The following CALN1 variants were observed in gnomAD, a reference collection of about 807,000 sequenced individuals.
The protein encoded by CALN1 is calcium-binding protein 8.
CALN1 carries 17 observed loss-of-function variants against 30.6 expected under a neutral mutation model. The observed-to-expected ratio is 0.56, with a 90% CI of 0.38 to 0.83. The LOEUF (loss-of-function observed/expected upper bound fraction) is 0.83. Among genes scored for constraint, CALN1 ranks in the 40% least tolerant of loss-of-function variants. The probability of loss-of-function intolerance (pLI) is 0.00; values close to 1 mark genes in which losing one functional copy is unlikely to be tolerated. For missense variants in CALN1, 291 were observed against 354.9 expected, an observed-to-expected ratio of 0.82 and a Z score of 1.45; for synonymous variants, 156 against 131.4, an observed-to-expected ratio of 1.19 and a Z score of -1.28.
At chr7:72,444,257 G>A (rs1808452919) in intron 1 of CALN1, among the ~76,000 whole-genome samples, 1 of 151,982 alleles carries the variant, frequency 6.6e-6, no homozygotes, top group African/African-American at 2.4e-5. Context: ...CTAGCAATCA[G>A]AACAGCTCCC....
the CALN1 span, among the ~76,000 whole-genome samples, chr7:72,463,734 T>A: frequency 6.6e-6 from 1 of 151,346 alleles, no homozygotes; most frequent in Non-Finnish European, 1.5e-5. Context: ...AAATTTTTAA[T>A]TTTTTTTGTA....
intron 3 of CALN1, among the ~76,000 whole-genome samples, chr7:72,165,087 A>G (rs899226974): frequency 6.6e-6 from 1 of 152,182 alleles, no homozygotes; most frequent in African/African-American, 2.4e-5. Flanking sequence ...CTGTTTCTAA[A>G]TTGTAAATTT....
chr7:72,228,238 G>C (rs1252250897), intron 3 of CALN1, among the ~76,000 whole-genome samples: 1 of 151,782 alleles, frequency 6.6e-6, no homozygotes, highest in South Asian at 2.1e-4. Flanking sequence ...TGTTTCCAGG[G>C]ACTAGAAGAC....
chr7:72,356,243 G>A (rs1417077244), intron 2 of CALN1, among the ~76,000 whole-genome samples: 1 of 150,104 alleles, frequency 6.7e-6, no homozygotes, highest in Non-Finnish European at 1.5e-5. Flanking sequence ...AGAGATGAAA[G>A]GGTAAGGAGC....
rs1015426710 is a variant in CALN1 at position 71,954,887 on chromosome 7, G to C, written c.501+68770C>G. ...AGTGAGGTTTAACTCTTCTCTACAG[G>C]GGAACAGACAGTTTCATTTGACTAT... On this transcript the variant is annotated intron_variant, in intron 5 of 6. Coordinates refer to ENST00000395275, the MANE Select transcript of CALN1 (RefSeq NM_031468.4). Among the ~76,000 whole-genome samples, 14 of 152,226 alleles carry C rather than the reference G, an allele frequency of 9.2e-5. No individual in the cohort carries two copies. In the East Asian group the frequency reaches 2.3e-3, roughly 25 times the overall value.
intron 2 of CALN1, among the ~76,000 whole-genome samples, chr7:72,387,120 G>A (rs573026533): frequency 7.0e-6 from 1 of 143,194 alleles, no homozygotes; most frequent in Non-Finnish European, 1.5e-5. Context: ...ATTTGTACTG[G>A]ATCATAACCC....
rs565324800 is a variant in CALN1 at position 71,783,806 on chromosome 7, T to G, written c.*3969A>C. ...ATGAATGGGAAGTTGGGAGGGGCAT[T>G]ATTGTCAAAAGCAGCTGTCCATTTT... is the stretch of plus-strand genomic sequence containing the variant. On this transcript the variant is annotated 3_prime_UTR_variant, in exon 7 of 7. Coordinates refer to ENST00000395275, the MANE Select transcript of CALN1 (RefSeq NM_031468.4). 8 of 152,776 alleles carry G rather than the reference T, an allele frequency of 5.2e-5. No individual in the cohort carries two copies. The highest frequency in any genetic ancestry group is 1.9e-4 in the African/African-American group (8 of 41,582). The allele number at this position is 152,776 out of a possible 1,614,324, so 9.5% of individuals were successfully genotyped here.
At chr7:72,143,451 G>A (rs1320961940) in intron 3 of CALN1, among the ~76,000 whole-genome samples, 1 of 152,146 alleles carries the variant, frequency 6.6e-6, no homozygotes, top group East Asian at 1.9e-4. Context: ...AATGAACAAA[G>A]CCTCCAAAAA....
intron 6 of CALN1, among the ~76,000 whole-genome samples, chr7:71,792,201 GC>G (rs1473888613): frequency 1.3e-5 from 2 of 151,998 alleles, no homozygotes; most frequent in African/African-American, 4.8e-5. Context: ...ATTTACTCTT[GC>G]CTCTTGCTGT....
chr7:71,976,635 G>A (rs1798113592), intron 5 of CALN1, among the ~76,000 whole-genome samples: 3 of 152,158 alleles, frequency 2.0e-5, no homozygotes, highest in Non-Finnish European at 1.5e-5. Context: ...GAAAGGCTGC[G>A]TGCAGTGACT....
At chr7:72,271,977 G>A (rs66801943) in intron 3 of CALN1, among the ~76,000 whole-genome samples, 51,239 of 150,534 alleles carry the variant, frequency 0.34, 9,986 homozygotes, top group Middle Eastern at 0.54. Context: ...CAGAAGAATC[G>A]CTTGAACCCA....
At chr7:72,499,889 CTTTCTTTCT>C in the CALN1 span, among the ~76,000 whole-genome samples, 1 of 46,086 alleles carries the variant, frequency 2.2e-5, no homozygotes, top group East Asian at 5.0e-4. Flanking sequence ...TTCTTTCTTT[CTTTCTTTCT>C]TTCTTTCTTT....
upstream of CALN1, among the ~76,000 whole-genome samples, chr7:72,413,052 C>T (rs978305461): frequency 2.6e-5 from 4 of 152,310 alleles, no homozygotes; most frequent in Non-Finnish European, 2.9e-5. Context: ...TGGGCTCACC[C>T]GGGGGGTTTG....
chr7:72,386,736 A>T (rs1477994651), intron 2 of CALN1, among the ~76,000 whole-genome samples: 4 of 152,112 alleles, frequency 2.6e-5, no homozygotes, highest in Non-Finnish European at 5.9e-5. Flanking sequence ...CCTGGGCTCA[A>T]GAGATCCTCC....
intron 5 of CALN1, among the ~76,000 whole-genome samples, chr7:71,936,521 G>A (rs1795845891): frequency 6.6e-6 from 1 of 152,076 alleles, no homozygotes; most frequent in Non-Finnish European, 1.5e-5. Context: ...GGGAAATTCT[G>A]GGGGAGGTCA....
chr7:72,420,555 C>T (rs1172827919), intron 1 of CALN1, among the ~76,000 whole-genome samples: 1 of 151,640 alleles, frequency 6.6e-6, no homozygotes, highest in Non-Finnish European at 1.5e-5. Flanking sequence ...AAAATTCCCC[C>T]AAAGGCAACA....
chr7:71,880,799 T>A (rs192417784), intron 5 of CALN1, among the ~76,000 whole-genome samples: 15 of 152,336 alleles, frequency 9.8e-5, no homozygotes, highest in African/African-American at 3.6e-4. Flanking sequence ...CTCCAGTTAC[T>A]TGCTATTTGT....
At chr7:71,810,038 G>A (rs906149954) in intron 6 of CALN1, among the ~76,000 whole-genome samples, 3 of 152,096 alleles carry the variant, frequency 2.0e-5, no homozygotes, top group African/African-American at 7.2e-5. Context: ...ACAACCAAGA[G>A]AAGGCAAACA....
At chr7:71,907,951 T>C (rs142218819) in intron 5 of CALN1, among the ~76,000 whole-genome samples, 19 of 152,370 alleles carry the variant, frequency 1.2e-4, no homozygotes, top group South Asian at 6.2e-4. Context: ...TATGCGTGTG[T>C]GCGCGTGGAC....
Sources: allele counts gnomAD v4.1 joint callset (sites outside exome capture counted in the v4.1 genomes callset), GRCh38; gene constraint gnomAD v4.1.1; transcripts MANE v1.5; gene names NCBI Gene and HGNC (gene_info 2026-07-23, HGNC 2026-07-21).